CTNNA2: variants seen among roughly 807,000 people sequenced by gnomAD.
CTNNA2 encodes catenin alpha 2, also known as catenin alpha-2.
CTNNA2 carries 42 observed loss-of-function variants against 101.0 expected under a neutral mutation model. The observed-to-expected ratio is 0.42, with a 90% CI of 0.32 to 0.54. The LOEUF (loss-of-function observed/expected upper bound fraction) is 0.54. Among genes scored for constraint, CTNNA2 ranks in the 20% least tolerant of loss-of-function variants. CTNNA2 has a pLI of 0.14. For synonymous variants in CTNNA2, 450 were observed against 456.4 expected (o/e 0.99, Z 0.18); for missense variants, 871 against 1,223.1 (o/e 0.71, Z 4.29).
chr2:79,777,242 A>C (rs1482801053), intron 3 of CTNNA2: 1 of 152,138 alleles, frequency 6.6e-6, no homozygotes. Flanking sequence ...TTTAAGTGAA[A>C]GCAATCTGTC....
chr2:79,391,262 A>C (rs977799165), intron 4 of CTNNA2, among the ~76,000 whole-genome samples: 21 of 152,152 alleles, frequency 1.4e-4, no homozygotes, highest in African/African-American at 4.8e-4. Flanking sequence ...AAAGACAACA[A>C]GACCAAGCCC....
chr2:80,595,059 G>C (rs1297313443), intron 15 of CTNNA2, among the ~76,000 whole-genome samples: 2 of 152,012 alleles, frequency 1.3e-5, no homozygotes, highest in Non-Finnish European at 2.9e-5. Context: ...GGTTTTGATA[G>C]GGATTACAGT....
chr2:79,728,631 C>T (rs1018300650), intron 2 of CTNNA2, among the ~76,000 whole-genome samples: 4 of 152,026 alleles, frequency 2.6e-5, no homozygotes, highest in Non-Finnish European at 5.9e-5. Context: ...TTTGGTGTTT[C>T]AGACATGAAG....
At chr2:79,731,654 G>A (rs1687202179) in intron 2 of CTNNA2, among the ~76,000 whole-genome samples, 1 of 152,062 alleles carries the variant, frequency 6.6e-6, no homozygotes, top group African/African-American at 2.4e-5. Flanking sequence ...TGCTAGTGGA[G>A]GCTTGGTAAG....
At chr2:79,641,558 A>G (rs1680451742) in intron 1 of CTNNA2, among the ~76,000 whole-genome samples, 6 of 152,158 alleles carry the variant, frequency 3.9e-5, no homozygotes, top group Admixed American at 3.9e-4. Context: ...AAGTTGAACA[A>G]TGTTAACCTT....
chr2:80,574,392 T>C, intron 13 of CTNNA2, 78 bp downstream of exon 13: 1 of 1,428,500 alleles, frequency 7.0e-7, no homozygotes. Flanking sequence ...TTATTTATTA[T>C]TTATTTTGTA....
chr2:79,542,343 CTA>C, intron 1 of CTNNA2, among the ~76,000 whole-genome samples: 1 of 152,254 alleles, frequency 6.6e-6, no homozygotes, highest in South Asian at 2.1e-4. Flanking sequence ...CCTAAAATAA[CTA>C]TTCTATTTAG....
chr2:80,315,081 A>G (rs1314642619), intron 7 of CTNNA2, among the ~76,000 whole-genome samples: 2 of 152,228 alleles, frequency 1.3e-5, no homozygotes, highest in African/African-American at 2.4e-5. Flanking sequence ...TGCTATTGCA[A>G]TAACTACCTA....
chr2:80,419,448 G>A lies in CTNNA2; in HGVS notation c.1138-1G>A. ...ATTTTTTGTTTTTGTTTCAACTGTA[G>A]CTTCGGAAAGCAGTGATGGATCACA... On this transcript the variant is annotated splice_acceptor_variant, in intron 8 of 18. Transcript: ENST00000402739. LOFTEE classifies it high-confidence loss of function. 1.3e-6 allele frequency: 2 copies of A among 1,595,490 alleles called. No homozygotes were observed. Among genetic ancestry groups the A allele is most frequent in the Non-Finnish European group, 1.7e-6 (2 of 1,168,832 alleles).
intron 7 of CTNNA2, among the ~76,000 whole-genome samples, chr2:80,018,179 A>C (rs1046490865): frequency 2.0e-5 from 3 of 152,230 alleles, no homozygotes; most frequent in African/African-American, 4.8e-5. Flanking sequence ...GCTTCTATTC[A>C]TAATGGATAT....
chr2:79,205,856 A>G (rs1674093815), intron 2 of CTNNA2, among the ~76,000 whole-genome samples: 1 of 152,212 alleles, frequency 6.6e-6, no homozygotes, highest in Non-Finnish European at 1.5e-5. Flanking sequence ...CAATCATTTG[A>G]AGATGAAAAC....
rs1386744256 is a variant in CTNNA2, at chr2:79,345,766, C to CG, written c.-317-28065_-317-28064insG. On this transcript the variant is annotated intron_variant, in intron 3 of 21. Coordinates refer to the CTNNA2 transcript ENST00000466387. ...GGAGTGTAGTGGCACAGTTTCGACT[C>CG]ACTGCAACCTCCGCCTCCAAGGTTC... Among the ~76,000 whole-genome samples, 4 of 152,044 alleles carry CG rather than the reference C, an allele frequency of 2.6e-5. No individual in the cohort carries two copies. In the East Asian group the frequency reaches 7.7e-4, roughly 29 times the overall value.
At chr2:79,811,087 C>T (rs1311402867) in intron 3 of CTNNA2, among the ~76,000 whole-genome samples, 4 of 150,526 alleles carry the variant, frequency 2.7e-5, no homozygotes, top group South Asian at 4.2e-4. Flanking sequence ...GTTCTAGATC[C>T]CTGAGGGATC....
chr2:80,431,840 G>A (rs910364462), intron 9 of CTNNA2, among the ~76,000 whole-genome samples: 5 of 152,082 alleles, frequency 3.3e-5, no homozygotes, highest in African/African-American at 1.2e-4. Flanking sequence ...TTAGCTAAAT[G>A]ACATTCTGTT....
chr2:79,243,840 G>A (rs1674664704), intron 2 of CTNNA2, among the ~76,000 whole-genome samples: 1 of 152,162 alleles, frequency 6.6e-6, no homozygotes, highest in East Asian at 1.9e-4. Flanking sequence ...AAGAAAGGAG[G>A]CAGGAGAGAA....
chr2:79,514,968 G>T (rs1671731918), intron 1 of CTNNA2, among the ~76,000 whole-genome samples: 1 of 152,272 alleles, frequency 6.6e-6, no homozygotes, highest in African/African-American at 2.4e-5. Context: ...TGTAAAGCAG[G>T]AGTTGAGATG....
At chr2:79,287,982 C>G (rs1396292078) in intron 2 of CTNNA2, among the ~76,000 whole-genome samples, 1 of 152,224 alleles carries the variant, frequency 6.6e-6, no homozygotes, top group African/African-American at 2.4e-5. Context: ...CGGAAAAGCG[C>G]AGTATCAGGT....
chr2:79,757,485 A>G (rs1280710469), intron 3 of CTNNA2, among the ~76,000 whole-genome samples: 3 of 152,228 alleles, frequency 2.0e-5, no homozygotes, highest in Non-Finnish European at 4.4e-5. Context: ...TACCAGTCTA[A>G]GTAAAACCAT....
chr2:79,798,482 T>C (rs1056996837), intron 3 of CTNNA2, among the ~76,000 whole-genome samples: 1 of 152,074 alleles, frequency 6.6e-6, no homozygotes, highest in African/African-American at 2.4e-5. Context: ...TTAATTATTT[T>C]TTAAAAATGC....
Sources: gnomAD v4.1 joint callset for allele counts (sites outside exome capture counted in the v4.1 genomes callset) on GRCh38, gnomAD v4.1.1 for gene constraint, MANE v1.5 for transcripts, NCBI Gene and HGNC (gene_info 2026-07-23, HGNC 2026-07-21) for gene names.